The following WDR27 variants were observed in gnomAD, a reference collection of about 807,000 sequenced individuals.
WDR27 encodes the protein WD repeat domain 27.
A neutral mutation model predicts 114.4 loss-of-function variants in WDR27; 100 were observed. The ratio of observed to expected loss-of-function variants is 0.87; its 90% CI spans 0.74 to 1.03. WDR27 has a LOEUF of 1.03. Among genes scored for constraint, WDR27 ranks in the 50% least tolerant of loss-of-function variants. WDR27 has a pLI of 0.00. For missense variants in WDR27, 1,129 were observed against 1,092.9 expected (o/e 1.03, Z -0.47); for synonymous variants, 449 against 423.1 (o/e 1.06, Z -0.75).
chr6:169,492,361 A>G (rs942662372), intron 25 of WDR27, among the ~76,000 whole-genome samples: 3 of 152,200 alleles, frequency 2.0e-5, no homozygotes, highest in African/African-American at 7.2e-5. Flanking sequence ...AAATCAGTTA[A>G]GAGCCACAGA....
intron 24 of WDR27, among the ~76,000 whole-genome samples, chr6:169,581,129 A>G (rs1197429305): frequency 6.6e-6 from 1 of 151,946 alleles, no homozygotes; most frequent in Admixed American, 6.6e-5. Context: ...GTATAACTAT[A>G]TTTACGCCAT....
intron 6 of WDR27, 148 bp downstream of exon 6, chr6:169,666,988 T>A (rs1437376959): frequency 7.9e-7 from 1 of 1,270,478 alleles, no homozygotes; most frequent in Non-Finnish European, 1.0e-6. Context: ...TCTCCCTGTG[T>A]GGACGGGAGT....
Position 169,524,707 on chromosome 6 carries a change from C to T in WDR27, c.2645+47712G>A, listed in dbSNP as rs545873238. ...AGGACAGTCTCTTCAATAAATGGTG[C>T]TGGGAAAACTGAATAACCATATGCA... On this transcript the variant is annotated intron_variant, in intron 25 of 25. Coordinates refer to ENST00000448612, the MANE Select transcript of WDR27 (RefSeq NM_182552.5). Among the ~76,000 whole-genome samples, 4 of 152,236 alleles carry T rather than the reference C, an allele frequency of 2.6e-5. 1 individual carries two copies. The South Asian group carries it at 8.3e-4, about 32-fold the overall frequency.
intron 10 of WDR27, among the ~76,000 whole-genome samples, chr6:169,660,284 C>T (rs979878118): frequency 6.6e-6 from 1 of 152,078 alleles, no homozygotes; most frequent in Non-Finnish European, 1.5e-5. Context: ...AGGAGTGCGC[C>T]TCGGCCGGGT....
At chr6:169,488,495 A>G (rs1789248672) in intron 25 of WDR27, among the ~76,000 whole-genome samples, 1 of 152,216 alleles carries the variant, frequency 6.6e-6, no homozygotes, top group Non-Finnish European at 1.5e-5. Flanking sequence ...AAAGGAGAAA[A>G]TGAGCAGTGT....
intron 25 of WDR27, among the ~76,000 whole-genome samples, chr6:169,487,060 A>T (rs774999165): frequency 5.9e-5 from 9 of 152,126 alleles, no homozygotes; most frequent in Non-Finnish European, 1.2e-4. Context: ...CCTGGATTTG[A>T]ATCCTGGCAG....
intron 21 of WDR27, among the ~76,000 whole-genome samples, chr6:169,624,061 G>A (rs1055898858): frequency 5.9e-5 from 9 of 151,938 alleles, no homozygotes; most frequent in South Asian, 2.1e-4. Flanking sequence ...CAGGTGTGCC[G>A]TGTGTGGGGT....
chr6:169,617,010 T>G (rs2473441), intron 21 of WDR27, among the ~76,000 whole-genome samples: 2 of 152,064 alleles, frequency 1.3e-5, no homozygotes, highest in Non-Finnish European at 2.9e-5. Context: ...CAGGGAGATA[T>G]GGGGTTTGAC....
intron 25 of WDR27, among the ~76,000 whole-genome samples, chr6:169,537,175 C>A (rs150402763): frequency 1.3e-5 from 2 of 152,118 alleles, no homozygotes; most frequent in East Asian, 1.9e-4. Flanking sequence ...AGGGAGGAAT[C>A]GCAGGCCAGC....
intron 21 of WDR27, among the ~76,000 whole-genome samples, chr6:169,623,390 C>T (rs541553652): frequency 3.3e-5 from 5 of 152,288 alleles, no homozygotes; most frequent in Admixed American, 6.5e-5. Context: ...CCCATACAGC[C>T]GTCTCTGTGT....
chr6:169,539,104 C>A (rs1341483153), intron 25 of WDR27, among the ~76,000 whole-genome samples: 2 of 152,148 alleles, frequency 1.3e-5, no homozygotes, highest in Admixed American at 6.5e-5. Context: ...TGCACACTGT[C>A]CTTTCATGGT....
intron 18 of WDR27, among the ~76,000 whole-genome samples, 199 bp downstream of exon 18, chr6:169,638,340 A>AAAAAAAAAAAAAAG (rs1818237674): frequency 7.1e-6 from 1 of 140,164 alleles, no homozygotes; most frequent in Admixed American, 8.6e-5. Flanking sequence ...AAAAAAAAAA[A>AAAAAAAAAAAAAAG]AAAAAAAAAA....
At chr6:169,531,144 A>T (rs2128079840) in intron 25 of WDR27, among the ~76,000 whole-genome samples, 1 of 152,380 alleles carries the variant, frequency 6.6e-6, no homozygotes, top group East Asian at 1.9e-4. Flanking sequence ...GGATATATGG[A>T]TTACATTTTG....
downstream of WDR27, among the ~76,000 whole-genome samples, chr6:169,455,562 C>G (rs1260326617): frequency 6.6e-6 from 1 of 152,244 alleles, no homozygotes; most frequent in Non-Finnish European, 1.5e-5. Flanking sequence ...AAGGCATCCA[C>G]TCACAGCACC....
In WDR27 at chr6:169,659,400, G is replaced by T; in HGVS notation, c.1197+51C>A. 1 of 1,593,730 alleles carries T rather than the reference G, an allele frequency of 6.3e-7. No homozygotes were observed. Among genetic ancestry groups the T allele is most frequent in the South Asian group, 1.1e-5 (1 of 89,100 alleles). ...TTACAGGATCACTCTGAAGAAAGAA[G>T]AAATCAGAGGCACGTCTCATAGACA... On this transcript the variant is annotated intron_variant, in intron 11 of 25. Transcript: ENST00000448612. The surrounding 1 kb of genome is among the most constrained non-coding windows in gnomAD (Gnocchi z 4.3).
chr6:169,441,770 CTTCT>C, the WDR27 span, among the ~76,000 whole-genome samples: 6 of 152,182 alleles, frequency 3.9e-5, no homozygotes, highest in Non-Finnish European at 5.9e-5. Flanking sequence ...GACCCTTAAT[CTTCT>C]TTCTTCTTTG....
chr6:169,547,662 A>C (rs1439371088), intron 25 of WDR27, among the ~76,000 whole-genome samples: 2 of 152,192 alleles, frequency 1.3e-5, no homozygotes, highest in African/African-American at 4.8e-5. Context: ...CTTCAACTTC[A>C]TAAAGAATAT....
chr6:169,581,691 G>A (rs995925138), intron 24 of WDR27, among the ~76,000 whole-genome samples: 1 of 152,350 alleles, frequency 6.6e-6, no homozygotes. Context: ...GTCCATGACA[G>A]CACAAGATGC....
chr6:169,573,161 A>T (rs1205931550), intron 24 of WDR27, among the ~76,000 whole-genome samples: 3 of 151,968 alleles, frequency 2.0e-5, no homozygotes, highest in Non-Finnish European at 4.4e-5. Context: ...CTTGTCTTTC[A>T]CTGAAACTCT....
Sources: allele counts gnomAD v4.1 joint callset (sites outside exome capture counted in the v4.1 genomes callset), GRCh38; gene constraint gnomAD v4.1.1; non-coding constraint Gnocchi (gnomAD v3.1); transcripts MANE v1.5; gene names NCBI Gene and HGNC (gene_info 2026-07-23, HGNC 2026-07-21).